The following GPR75 variants were observed in gnomAD, a reference collection of about 807,000 sequenced individuals.
The protein encoded by GPR75 is probable G protein-coupled receptor 75.
GPR75 carries 27 observed loss-of-function variants against 26.0 expected under a neutral mutation model. The ratio of observed to expected loss-of-function variants is 1.04; its 90% confidence interval spans 0.77 to 1.43. The LOEUF (loss-of-function observed/expected upper bound fraction) is 1.43, where lower values mean the gene tolerates loss of function less well. GPR75 is among the 40% of genes most tolerant of loss of function. GPR75 has a pLI of 0.00. For missense variants in GPR75, 699 were observed against 662.3 expected (o/e 1.06, Z -0.61); for synonymous variants, 285 against 256.3 (o/e 1.11, Z -1.07).
intron 1 of GPR75, among the ~76,000 whole-genome samples, chr2:53,859,625 GT>G (rs1204454238): frequency 5.5e-5 from 8 of 145,692 alleles, no homozygotes; most frequent in African/African-American, 1.7e-4. Flanking sequence ...GGGTGGGTGG[GT>G]GGGGGGGGTT....
chr2:53,855,986 T>C (rs1165088628), intron 1 of GPR75, among the ~76,000 whole-genome samples: 1 of 152,196 alleles, frequency 6.6e-6, no homozygotes, highest in Non-Finnish European at 1.5e-5. Context: ...CATTGTAAAG[T>C]CTAAACTGCT....
rs1321621447 is a variant in GPR75, at chr2:53,853,170, G to A, written c.1587C>T (p.Ser529=). The change falls in exon 2 of 2, where the codon AGC becomes AGT. Residue 529 remains serine, a synonymous_variant. Transcript: ENST00000394705. The stretch of plus-strand genomic sequence containing the variant: ...GGACTGGAATCTGCTTGGCTGAAGT[G>A]CTGTCATATTCCTGCACTAAGTCAT... ...TTNDLVQEYD[S]TSAKQIPVPS... is the part of the protein sequence containing the mutation. 3 of 1,613,692 alleles carry A rather than the reference G, an allele frequency of 1.9e-6. No homozygotes were observed. The highest frequency in any genetic ancestry group is 1.3e-5 in the African/African-American group (1 of 74,900).
Position 53,853,877 on chromosome 2 carries a change from G to T in GPR75, c.880C>A (p.Gln294Lys), listed in dbSNP as rs200791027. Residue 294 changes from glutamine (Q) to lysine (K), a missense_variant, in exon 2 of 2, where the codon CAA becomes AAA. Coordinates refer to ENST00000394705, the MANE Select transcript of GPR75 (RefSeq NM_006794.4). ...QTRGYTKSPN[Q>K]LVTPAASRLQ... ...CGGCTTGCTGCAGGGGTGACCAGTT[G>T]GTTGGGACTCTTGGTATATCCACGG... 6.2e-7 allele frequency: 1 copy of T among 1,614,058 alleles called. No individual in the cohort carries two copies. The highest frequency in any genetic ancestry group is 8.5e-7 in the Non-Finnish European group (1 of 1,180,002).
In GPR75 at chr2:53,854,405, A is replaced by C; in HGVS notation, c.352T>G (p.Cys118Gly). Residue 118 changes from cysteine to glycine, a missense_variant, in exon 2 of 2, where the codon TGC becomes GGC. By Grantham distance (159) the Cys-to-Gly change is radical (BLOSUM62 -3). Transcript: ENST00000394705. ...GAACTGGTGAGATGGAAAGTGAAGC[A>C]GAAAGCATCCGGGATACTACTGGCT... The part of the protein sequence containing the change: ...SSASSIPDAF[C>G]FTFHLTSSGF... 6.2e-7 allele frequency: 1 copy of C among 1,614,172 alleles called. No individual in the cohort carries two copies. Among genetic ancestry groups the C allele is most frequent in the Non-Finnish European group, 8.5e-7 (1 of 1,180,010 alleles).
chr2:53,856,824 C>T (rs555412830), intron 1 of GPR75, among the ~76,000 whole-genome samples: 1 of 152,044 alleles, frequency 6.6e-6, no homozygotes, highest in African/African-American at 2.4e-5. Context: ...AGAAGAAAAT[C>T]CTGAACTTTT....
Position 53,854,111 on chromosome 2 carries a change from C to G in GPR75, c.646G>C (p.Ala216Pro). The change falls in exon 2 of 2, where the codon GCT (alanine) becomes CCT (proline). Residue 216 changes from alanine to proline, a missense_variant. Ala to Pro is a conservative substitution (Grantham distance 27). Transcript: ENST00000394705. Reference protein sequence around the residue: ...LYVVDFTFCVAVVSVSYIMIA... With the variant: ...LYVVDFTFCVPVVSVSYIMIA... ...ATGATGTAAGAGACAGAGACCACAG[C>G]AACACAGAAGGTGAAGTCGACCACA... 6.2e-7 allele frequency: 1 copy of G among 1,614,144 alleles called. No homozygotes were observed. Among genetic ancestry groups the G allele is most frequent in the Non-Finnish European group, 8.5e-7 (1 of 1,180,020 alleles).
In GPR75 at chr2:53,859,762, C is replaced by T; in HGVS notation, c.-110+66G>A. 2.3e-6 allele frequency: 3 copies of T among 1,295,610 alleles called. No homozygotes were observed. In the East Asian group the frequency reaches 8.1e-5, roughly 35 times the overall value. 80.3% of individuals were successfully genotyped at this position (1,295,610 alleles called of 1,614,324 possible). A position where few individuals can be genotyped will look rare whatever the true frequency, so the allele number is the denominator to read the frequency against. ...CGCAGCCGCGCTCCTCGCTATCCCGCCAGCCTCCGGGAGCCGTCTCCGGCA... is the reference window on the plus strand; with the variant it reads ...CGCAGCCGCGCTCCTCGCTATCCCGTCAGCCTCCGGGAGCCGTCTCCGGCA... On this transcript the variant is annotated intron_variant, in intron 1 of 1. Coordinates refer to ENST00000394705, the MANE Select transcript of GPR75 (RefSeq NM_006794.4).
chr2:53,854,051 TG>T lies in GPR75; in HGVS notation c.705del (p.Arg236GlufsTer6). Reference sequence around the variant, plus strand: ...ACTGTGATTACAGGGGGGCACTTTCTGACTTGAGCGTTCTTCCGCAGGGTCT... The same window carrying T: ...ACTGTGATTACAGGGGGGCACTTTCTACTTGAGCGTTCTTCCGCAGGGTCT... ...IAQTLRKNAQ[V>X]RKCPPVITVD... On this transcript the variant is annotated frameshift_variant, in exon 2 of 2. Transcript: ENST00000394705. LOFTEE classifies it high-confidence loss of function. The T allele has an allele frequency of 6.2e-7, 1 of 1,614,232 alleles. No homozygotes were observed. The highest frequency in any genetic ancestry group is 1.1e-5 in the South Asian group (1 of 91,090).
intron 1 of GPR75, among the ~76,000 whole-genome samples, chr2:53,855,116 C>G (rs1028988383): frequency 2.0e-5 from 3 of 151,966 alleles, no homozygotes; most frequent in Admixed American, 2.0e-4. Context: ...CCACCAAACC[C>G]AGCTCTCTCT....
Position 53,853,378 on chromosome 2 carries a change from A to C in GPR75, c.1379T>G (p.Ile460Ser), listed in dbSNP as rs1678140124. 2 of 1,613,948 alleles carry C rather than the reference A, an allele frequency of 1.2e-6. No homozygotes were observed. Among genetic ancestry groups the C allele is most frequent in the African/African-American group, 1.3e-5 (1 of 74,878 alleles). Residue 460 changes from isoleucine (I) to serine (S), a missense_variant, in exon 2 of 2, where the codon ATC becomes AGC. Physicochemically the swap from Ile to Ser is moderately radical, Grantham distance 142. Transcript: ENST00000394705. The stretch of plus-strand genomic sequence containing the variant: ...ACCACAGTGTTGATGTCCAGCAGAG[A>C]TCTTGGGACTCACCATACTTTCTTT... Reference protein sequence around the residue: ...HSKESMVSPKISAGHQHCGQS... With the variant: ...HSKESMVSPKSSAGHQHCGQS...
At position 53,854,398 on chromosome 2, in the gene GPR75, G is replaced by C. The variant is rs571785575; in HGVS notation, c.359C>G (p.Thr120Ser). 3.1e-6 allele frequency: 5 copies of C among 1,614,096 alleles called. No homozygotes were observed. The highest frequency in any genetic ancestry group is 3.3e-4 in the Middle Eastern group (2 of 6,062). Reference protein sequence around the residue: ...ASSIPDAFCFTFHLTSSGFII... With the variant: ...ASSIPDAFCFSFHLTSSGFII... ...GAAGCCTGAACTGGTGAGATGGAAAGTGAAGCAGAAAGCATCCGGGATACT... is the reference window on the plus strand; with the variant it reads ...GAAGCCTGAACTGGTGAGATGGAAACTGAAGCAGAAAGCATCCGGGATACT... The change falls in exon 2 of 2, where the codon ACT becomes AGT. Residue 120 changes from threonine (T) to serine (S), a missense_variant. By Grantham distance (58) the Thr-to-Ser change is moderately conservative. Coordinates refer to ENST00000394705, the MANE Select transcript of GPR75 (RefSeq NM_006794.4).
In GPR75 at chr2:53,853,333, A is replaced by G. The variant is rs751341636; in HGVS notation, c.1424T>C (p.Ile475Thr). 7.4e-6 allele frequency: 12 copies of G among 1,614,018 alleles called. No homozygotes were observed. Among genetic ancestry groups the G allele is most frequent in the Non-Finnish European group, 9.3e-6 (11 of 1,180,006 alleles). ...GTAGTAAGGTTCAATCCGAGTGTTG[A>G]TGGGGGTCGAGCTGCTCTGACCACA... Reference protein sequence around the residue: ...QHCGQSSSTPINTRIEPYYSI... With the variant: ...QHCGQSSSTPTNTRIEPYYSI... The change falls in exon 2 of 2, where the codon ATC becomes ACC. Residue 475 changes from isoleucine (I) to threonine (T), a missense_variant. Transcript: ENST00000394705.
At position 53,853,540 on chromosome 2, in the gene GPR75, C is replaced by G. The variant is rs766483240; in HGVS notation, c.1217G>C (p.Arg406Pro). The part of the protein sequence containing the change: ...LGFFCCKQKT[R>P]LRAMGKGNLE... ...GTTCCCTTTTCCCATGGCTCGAAGT[C>G]GAGTCTTTTGTTTGCAGCAGAAAAA... Residue 406 changes from arginine (R) to proline (P), a missense_variant, in exon 2 of 2, where the codon CGA becomes CCA. Transcript: ENST00000394705. 2 of 1,614,064 alleles carry G rather than the reference C, an allele frequency of 1.2e-6. No individual in the cohort carries two copies.
rs542225785 is a variant in GPR75, at chr2:53,854,553, G to A, written c.204C>T (p.Phe68=). Reference sequence around the variant, plus strand: ...TTCTGAATTTCCTGAAGGCTGGATCGAAGAAGGACAAGAAGACAATGAAGT... The same window carrying A: ...TTCTGAATTTCCTGAAGGCTGGATCAAAGAAGGACAAGAAGACAATGAAGT... ...YGNFIVFLSF[F]DPAFRKFRTN... Residue 68 remains phenylalanine (F), a synonymous_variant, in exon 2 of 2, where the codon TTC becomes TTT. Transcript: ENST00000394705. 2.2e-5 allele frequency: 35 copies of A among 1,613,964 alleles called. No homozygotes were observed. Among genetic ancestry groups the A allele is most frequent in the Non-Finnish European group, 2.8e-5 (33 of 1,179,902 alleles).
chr2:53,856,371 G>C (rs527494116), intron 1 of GPR75, among the ~76,000 whole-genome samples: 2 of 152,160 alleles, frequency 1.3e-5, no homozygotes, highest in Admixed American at 6.6e-5. Flanking sequence ...AACCAAAAAG[G>C]GTTTGCCTTA....
In GPR75 at chr2:53,854,641, G is replaced by A; in HGVS notation, c.116C>T (p.Thr39Ile). ...AAAAGTACAGGTCACCAAGGTGGCT[G>A]TGTGGATGAGATCCTGAAGACCCTC... The part of the protein sequence containing the change: ...LQEGLQDLIH[T>I]ATLVTCTFLL... Residue 39 changes from threonine (T) to isoleucine (I), a missense_variant, in exon 2 of 2, where the codon ACA becomes ATA. Coordinates refer to ENST00000394705, the MANE Select transcript of GPR75 (RefSeq NM_006794.4). 1 of 1,614,136 alleles carries A rather than the reference G, an allele frequency of 6.2e-7. No homozygotes were observed. Among genetic ancestry groups the A allele is most frequent in the Admixed American group, 1.7e-5 (1 of 60,018 alleles).
chr2:53,859,113 G>A (rs1678306676), intron 1 of GPR75, among the ~76,000 whole-genome samples: 1 of 149,956 alleles, frequency 6.7e-6, no homozygotes, highest in Non-Finnish European at 1.5e-5. Flanking sequence ...CATGCTATAG[G>A]GGCTTTCATA....
rs961970843 is a variant in GPR75 at position 53,854,709 on chromosome 2, G to T, written c.48C>A (p.Leu16=). The T allele has an allele frequency of 6.2e-7, 1 of 1,614,064 alleles. No homozygotes were observed. The highest frequency in any genetic ancestry group is 1.7e-5 in the Admixed American group (1 of 60,018). The change falls in exon 2 of 2, where the codon CTC becomes CTA. Residue 16 remains leucine (L), a synonymous_variant. Coordinates refer to ENST00000394705, the MANE Select transcript of GPR75 (RefSeq NM_006794.4). ...TTCCTTCCTGTGAGTGAGGCACATG[G>T]AGCGAGGTGGCATTGGGGGCATCCT... is the stretch of plus-strand genomic sequence containing the variant. ...HLQDAPNATS[L]HVPHSQEGNS... is the part of the protein sequence containing the mutation.
chr2:53,855,601 C>A (rs979909867), intron 1 of GPR75, among the ~76,000 whole-genome samples: 4 of 151,730 alleles, frequency 2.6e-5, no homozygotes, highest in African/African-American at 9.7e-5. Flanking sequence ...CAAGCACAGG[C>A]CAGCTGGATG....
Sources: allele counts gnomAD v4.1 joint callset (sites outside exome capture counted in the v4.1 genomes callset), GRCh38; gene constraint gnomAD v4.1.1; transcripts MANE v1.5; gene names NCBI Gene and HGNC (gene_info 2026-07-23, HGNC 2026-07-21).